The following SMARCAD1 variants were observed in gnomAD, a reference collection of about 807,000 sequenced individuals.
SMARCAD1 encodes SNF2 related chromatin remodeling ATPase with DExD box 1.
SMARCAD1 carries 25 observed loss-of-function variants against 127.1 expected under a neutral mutation model. The observed-to-expected ratio is 0.20, with a 90% confidence interval of 0.14 to 0.27. The LOEUF (loss-of-function observed/expected upper bound fraction) is 0.27, where lower values mean the gene tolerates loss of function less well. SMARCAD1 is among the 10% of genes least tolerant of loss of function. SMARCAD1 has a pLI of 1.00. For missense variants in SMARCAD1, 807 were observed against 1,206.0 expected, an observed-to-expected ratio of 0.67 and a Z score of 4.90; for synonymous variants, 400 against 396.9, an observed-to-expected ratio of 1.01 and a Z score of -0.09.
chr4:94,279,551 A>G (rs1464800095), intron 19 of SMARCAD1, among the ~76,000 whole-genome samples: 1 of 152,166 alleles, frequency 6.6e-6, no homozygotes, highest in East Asian at 1.9e-4. Flanking sequence ...GGCAGTGACT[A>G]TTTTTATAAA....
Position 94,264,710 on chromosome 4 carries a change from A to C in SMARCAD1, c.1285A>C (p.Thr429Pro). ...TATTTTTCTTTTTATGCTATAGTTC[A>C]CAAAGATGTCCAAAACTAATGGCTT... ...RPFNSWEALF[T>P]KMSKTNGLSE... Residue 429 changes from threonine (T) to proline (P), a missense_variant, in exon 10 of 24, where the codon ACA (threonine) becomes CCA (proline). Thr to Pro is a conservative substitution (Grantham distance 38). Around this residue, in one of 8 missense-constraint regions of SMARCAD1, gnomAD observed 257 missense variants for 303.4 expected, o/e 0.85. Coordinates refer to ENST00000354268, the MANE Select transcript of SMARCAD1 (RefSeq NM_020159.5). The C allele has an allele frequency of 6.2e-7, 1 of 1,611,106 alleles. No individual in the cohort carries two copies. Among genetic ancestry groups the C allele is most frequent in the Non-Finnish European group, 8.5e-7 (1 of 1,178,404 alleles).
chr4:94,222,076 G>C (rs1435208136), intron 2 of SMARCAD1, among the ~76,000 whole-genome samples: 1 of 152,056 alleles, frequency 6.6e-6, no homozygotes, highest in Admixed American at 6.5e-5. Flanking sequence ...TGGTGATAAG[G>C]GCTATATATT....
intron 2 of SMARCAD1, among the ~76,000 whole-genome samples, chr4:94,221,676 A>T (rs972345235): frequency 6.6e-6 from 1 of 152,220 alleles, no homozygotes; most frequent in Non-Finnish European, 1.5e-5. Flanking sequence ...TTGGATATAT[A>T]GTTTTCATGA....
rs563541691 is a variant in SMARCAD1, at chr4:94,245,643, G to A, written c.706-4011G>A. Among the ~76,000 whole-genome samples, 14 of 152,204 alleles carry A rather than the reference G, an allele frequency of 9.2e-5. No individual in the cohort carries two copies. The South Asian group carries it at 2.5e-3, about 27-fold the overall frequency. On this transcript the variant is annotated intron_variant, in intron 6 of 23. Transcript: ENST00000354268. ...GTTTTTTGCCACTTTACAATAACTC[G>A]TAAGCTGTAACTCTTCCAATGTCCA...
intron 2 of SMARCAD1, among the ~76,000 whole-genome samples, chr4:94,222,830 G>A (rs1744356851): frequency 6.6e-6 from 1 of 151,936 alleles, no homozygotes; most frequent in Non-Finnish European, 1.5e-5. Flanking sequence ...CGGGTGTCGG[G>A]GCAGGCACCT....
chr4:94,225,063 A>G (rs1041255117), intron 2 of SMARCAD1, among the ~76,000 whole-genome samples: 5 of 152,202 alleles, frequency 3.3e-5, no homozygotes, highest in Non-Finnish European at 7.3e-5. Context: ...TTTTATTGGC[A>G]AAAGGGAAAA....
intron 3 of SMARCAD1, among the ~76,000 whole-genome samples, chr4:94,229,072 A>C (rs1467935705): frequency 1.3e-5 from 2 of 152,044 alleles, no homozygotes; most frequent in Admixed American, 6.5e-5. Flanking sequence ...CATTTGTCCC[A>C]TTATTGTTGA....
At chr4:94,218,993 G>A (rs1743654678) in intron 2 of SMARCAD1, among the ~76,000 whole-genome samples, 1 of 151,926 alleles carries the variant, frequency 6.6e-6, no homozygotes, top group African/African-American at 2.4e-5. Flanking sequence ...TGTGTTTTTA[G>A]TAGGGACAGG....
intron 5 of SMARCAD1, among the ~76,000 whole-genome samples, chr4:94,239,769 C>T (rs1310484584): frequency 6.6e-6 from 1 of 151,900 alleles, no homozygotes; most frequent in Non-Finnish European, 1.5e-5. Context: ...GATGGGGTTT[C>T]ACCATATTGC....
chr4:94,260,494 C>T (rs1425348762), intron 9 of SMARCAD1, among the ~76,000 whole-genome samples: 1 of 152,034 alleles, frequency 6.6e-6, no homozygotes, highest in Non-Finnish European at 1.5e-5. Context: ...CAGGCGTGCA[C>T]CACCACACCC....
intron 5 of SMARCAD1, 106 bp downstream of exon 5, chr4:94,237,124 C>A: frequency 1.0e-6 from 1 of 960,532 alleles, no homozygotes; most frequent in African/African-American, 1.6e-5. Context: ...TTTATGAATT[C>A]TTACAGGAAT....
chr4:94,274,191 T>C (rs1272748699), intron 12 of SMARCAD1, among the ~76,000 whole-genome samples: 1 of 152,196 alleles, frequency 6.6e-6, no homozygotes, highest in Non-Finnish European at 1.5e-5. Context: ...ACTGTAAATA[T>C]AATATTTGGT....
chr4:94,251,399 G>A (rs1035250234), intron 8 of SMARCAD1, among the ~76,000 whole-genome samples: 3 of 152,110 alleles, frequency 2.0e-5, no homozygotes, highest in Admixed American at 6.5e-5. Context: ...TGCAAACCCA[G>A]CATGGTAGCT....
intron 14 of SMARCAD1, among the ~76,000 whole-genome samples, chr4:94,276,011 A>G (rs1197983628): frequency 1.3e-5 from 2 of 151,730 alleles, no homozygotes; most frequent in East Asian, 3.9e-4. Context: ...GTTAGCCAGG[A>G]TGGTCTCGAT....
rs1746231344 is a variant in SMARCAD1 at position 94,233,865 on chromosome 4, G to A, written c.369-89G>A. 8.3e-6 allele frequency: 11 copies of A among 1,324,140 alleles called. No homozygotes were observed. In the East Asian group the frequency reaches 1.5e-4, roughly 18 times the overall value. 82.0% of individuals were successfully genotyped at this position (1,324,140 alleles called of 1,614,324 possible). On this transcript the variant is annotated intron_variant, in intron 3 of 23. Transcript: ENST00000354268. ...TACTATTGAAAAGAACTGCAGATGT[G>A]TTGTACTATGTATACACATAGACAC...
At chr4:94,289,094 G>C (rs912052046) in intron 23 of SMARCAD1, among the ~76,000 whole-genome samples, 1 of 147,474 alleles carries the variant, frequency 6.8e-6, no homozygotes. Flanking sequence ...ATTGGTTTTC[G>C]TTGGTTTAGG....
intron 11 of SMARCAD1, 151 bp downstream of exon 11, chr4:94,270,969 G>T: frequency 1.5e-6 from 1 of 669,574 alleles, no homozygotes; most frequent in Non-Finnish European, 2.7e-6. Context: ...GTTTTTGATA[G>T]AGTTAGTTCT....
chr4:94,246,515 T>C (rs903901764), intron 6 of SMARCAD1, among the ~76,000 whole-genome samples: 2 of 152,208 alleles, frequency 1.3e-5, no homozygotes, highest in Non-Finnish European at 2.9e-5. Context: ...GAGCTCCCAA[T>C]GTCCAGTCTA....
chr4:94,276,541 A>T, intron 15 of SMARCAD1, 67 bp downstream of exon 15: 1 of 1,540,362 alleles, frequency 6.5e-7, no homozygotes, highest in East Asian at 2.4e-5. Flanking sequence ...TAATATATGT[A>T]GTATTTATTA....
Sources: gnomAD v4.1 joint callset for allele counts (sites outside exome capture counted in the v4.1 genomes callset) on GRCh38, gnomAD v4.1.1 for gene constraint, gnomAD v4.1.1 regional missense constraint, MANE v1.5 for transcripts, NCBI Gene and HGNC (gene_info 2026-07-23, HGNC 2026-07-21) for gene names.